DSCAM: variants seen among roughly 807,000 people sequenced by gnomAD.
The protein encoded by DSCAM is DS cell adhesion molecule.
In DSCAM, 47 loss-of-function variants were observed where a neutral mutation model predicts 217.7. The ratio of observed to expected loss-of-function variants is 0.22; its 90% CI spans 0.17 to 0.28. The LOEUF (loss-of-function observed/expected upper bound fraction) is 0.28. Ranked by LOEUF, DSCAM falls within the 10% of genes least tolerant of loss-of-function variation. The pLI is 1.00. For missense variants in DSCAM, 2,080 were observed against 2,618.3 expected, an observed-to-expected ratio of 0.79 and a Z score of 4.49; for synonymous variants, 1,056 against 1,015.3, an observed-to-expected ratio of 1.04 and a Z score of -0.76.
At chr21:40,778,106 T>C (rs2091505097) in intron 1 of DSCAM, among the ~76,000 whole-genome samples, 1 of 151,980 alleles carries the variant, frequency 6.6e-6, no homozygotes, top group Non-Finnish European at 1.5e-5. Context: ...ACTGAGAGGG[T>C]ATGCCACAAA....
At chr21:40,369,778 A>G (rs1021112877) in intron 3 of DSCAM, among the ~76,000 whole-genome samples, 2 of 152,198 alleles carry the variant, frequency 1.3e-5, no homozygotes, top group Non-Finnish European at 1.5e-5. Context: ...CTTCCCCTAA[A>G]AAGGCTGTCT....
chr21:40,228,300 ATAAGGAGTGAGAGTTATGC>A (rs2091351607), intron 11 of DSCAM, among the ~76,000 whole-genome samples: 1 of 152,144 alleles, frequency 6.6e-6, no homozygotes, highest in Non-Finnish European at 1.5e-5. Flanking sequence ...AAGCCCACAC[ATAAGGAGTGAGAGTTATGC>A]TTCATCTTCT....
chr21:40,231,009 G>GAT (rs1398385604), intron 11 of DSCAM, among the ~76,000 whole-genome samples: 4 of 142,932 alleles, frequency 2.8e-5, no homozygotes, highest in African/African-American at 8.0e-5. Flanking sequence ...TCTCGATTAT[G>GAT]CTTTTTTTTT....
At chr21:40,590,060 G>A (rs2076973062) in intron 3 of DSCAM, among the ~76,000 whole-genome samples, 1 of 152,154 alleles carries the variant, frequency 6.6e-6, no homozygotes, top group Admixed American at 6.5e-5. Flanking sequence ...GAATTAGTAG[G>A]CAGTTTCCGT....
intron 1 of DSCAM, among the ~76,000 whole-genome samples, chr21:40,733,352 T>G (rs1028503707): frequency 2.6e-5 from 4 of 152,314 alleles, no homozygotes; most frequent in Non-Finnish European, 4.4e-5. Context: ...TACTTTTTGG[T>G]GAGACCTCAC....
chr21:40,028,507 T>C (rs1036508151), intron 32 of DSCAM, among the ~76,000 whole-genome samples: 5 of 151,870 alleles, frequency 3.3e-5, no homozygotes, highest in African/African-American at 7.2e-5. Flanking sequence ...CGAGACTCCA[T>C]GGGCGTAGGA....
At chr21:40,667,297 T>A (rs1365210070) in intron 3 of DSCAM, among the ~76,000 whole-genome samples, 1 of 152,192 alleles carries the variant, frequency 6.6e-6, no homozygotes, top group African/African-American at 2.4e-5. Flanking sequence ...CAACAGCACA[T>A]CATGGACCCA....
At chr21:40,073,385 G>A (rs1601300286) in intron 27 of DSCAM, among the ~76,000 whole-genome samples, 1 of 152,326 alleles carries the variant, frequency 6.6e-6, no homozygotes, top group Non-Finnish European at 1.5e-5. Flanking sequence ...CTAAATGCAA[G>A]TAGTTAGACA....
intron 29 of DSCAM, among the ~76,000 whole-genome samples, chr21:40,052,326 C>A (rs1235163065): frequency 6.6e-6 from 1 of 152,176 alleles, no homozygotes; most frequent in Non-Finnish European, 1.5e-5. Context: ...GCTTTGGGAG[C>A]AATGAGCTAA....
chr21:40,092,215 A>C (rs1011036697), intron 21 of DSCAM, among the ~76,000 whole-genome samples: 1 of 152,082 alleles, frequency 6.6e-6, no homozygotes, highest in Admixed American at 6.5e-5. Flanking sequence ...CCATCTATTT[A>C]GCTGTAAATG....
chr21:40,697,206 T>A (rs1234520436), intron 2 of DSCAM, among the ~76,000 whole-genome samples: 1 of 152,202 alleles, frequency 6.6e-6, no homozygotes, highest in Non-Finnish European at 1.5e-5. Flanking sequence ...CATAGCAACC[T>A]CCAGTTTCAT....
intron 8 of DSCAM, among the ~76,000 whole-genome samples, chr21:40,329,581 T>C: frequency 6.6e-6 from 1 of 151,258 alleles, no homozygotes; most frequent in Non-Finnish European, 1.5e-5. Flanking sequence ...GCCACTGCAC[T>C]CCAGCCTGGC....
chr21:40,535,271 CCTT>C (rs1307572023), intron 3 of DSCAM, among the ~76,000 whole-genome samples: 7 of 152,180 alleles, frequency 4.6e-5, no homozygotes, highest in African/African-American at 1.7e-4. Flanking sequence ...TTCATTTTCT[CCTT>C]ATTATAACAT....
chr21:40,834,992 G>A (rs1293096308), intron 1 of DSCAM, among the ~76,000 whole-genome samples: 1 of 152,154 alleles, frequency 6.6e-6, no homozygotes, highest in Non-Finnish European at 1.5e-5. Context: ...CCACCAGTCA[G>A]GCTGGACCTA....
At chr21:40,526,039 C>A (rs2076397900) in intron 3 of DSCAM, among the ~76,000 whole-genome samples, 1 of 152,178 alleles carries the variant, frequency 6.6e-6, no homozygotes, top group South Asian at 2.1e-4. Flanking sequence ...CTACTGACTT[C>A]TTTTCTTTCC....
At chr21:40,169,478 G>A (rs987563062) in intron 15 of DSCAM, among the ~76,000 whole-genome samples, 5 of 152,114 alleles carry the variant, frequency 3.3e-5, no homozygotes, top group Non-Finnish European at 7.4e-5. Context: ...CTAAGATGCA[G>A]GGATTGCTAC....
intron 20 of DSCAM, among the ~76,000 whole-genome samples, 182 bp downstream of exon 20, chr21:40,124,013 C>T (rs62237635): frequency 0.059 from 8,974 of 152,068 alleles, 300 homozygotes; most frequent in Non-Finnish European, 0.079. Context: ...GATTCAGGAG[C>T]GTATTTTCAA....
intron 3 of DSCAM, among the ~76,000 whole-genome samples, chr21:40,481,761 C>G (rs1293199211): frequency 6.6e-6 from 1 of 152,162 alleles, no homozygotes; most frequent in Non-Finnish European, 1.5e-5. Flanking sequence ...TCTTGCCATC[C>G]TAACCCACAT....
intron 3 of DSCAM, among the ~76,000 whole-genome samples, chr21:40,647,793 C>A (rs2089965205): frequency 6.6e-6 from 1 of 152,164 alleles, no homozygotes; most frequent in African/African-American, 2.4e-5. Context: ...AACATTAATA[C>A]AAATGTGGCT....
Sources: allele counts gnomAD v4.1 joint callset (sites outside exome capture counted in the v4.1 genomes callset), GRCh38; gene constraint gnomAD v4.1.1; transcripts MANE v1.5; gene names NCBI Gene and HGNC (gene_info 2026-07-23, HGNC 2026-07-21).